ABCC4: variants seen among roughly 807,000 people sequenced by gnomAD.
The protein encoded by ABCC4 is ATP-binding cassette sub-family C member 4.
A neutral mutation model predicts 168.5 loss-of-function variants in ABCC4; 102 were observed. The observed-to-expected ratio is 0.61, with a 90% CI of 0.52 to 0.71. The LOEUF is 0.71. Among genes scored for constraint, ABCC4 ranks in the 30% least tolerant of loss-of-function variants. The pLI is 0.00. For synonymous variants in ABCC4, 617 were observed against 590.7 expected (o/e 1.04, Z -0.65); for missense variants, 1,402 against 1,605.8 (o/e 0.87, Z 2.17).
chr13:95,043,714 A>C lies in ABCC4; in HGVS notation c.3703T>G (p.Leu1235Val), dbSNP rs184544626. The C allele has an allele frequency of 6.2e-7, 1 of 1,613,942 alleles. No homozygotes were observed. The highest frequency in any genetic ancestry group is 2.2e-5 in the East Asian group (1 of 44,888). The change falls in exon 29 of 31, where the codon TTG (leucine) becomes GTG (valine). Residue 1235 changes from leucine to valine, a missense_variant. Transcript: ENST00000645237. ...TTGTCGCTGTCAATAATGGTGTTCA[A>C]TCTGTGTGCAATGGTTAGCACGGTG... The part of the protein sequence containing the change: ...HCTVLTIAHR[L>V]NTIIDSDKIM...
rs11568682 is a variant in ABCC4 at position 95,301,231 on chromosome 13, G to A, written c.74+10C>T. Reference sequence around the variant, plus strand: ...CTGCAGGGTGACCTGTTTCGGGCGGGGACACTCACCAGAAGAACACGCGTG... The same window carrying A: ...CTGCAGGGTGACCTGTTTCGGGCGGAGACACTCACCAGAAGAACACGCGTG... On this transcript the variant is annotated intron_variant, in intron 1 of 30. Transcript: ENST00000645237. 33,141 of 1,581,408 alleles carry A rather than the reference G, an allele frequency of 0.021. 447 individuals carry two copies. The highest frequency in any genetic ancestry group is 0.024 in the Non-Finnish European group (27,719 of 1,164,922).
At chr13:95,180,499 G>A (rs755931545) in intron 11 of ABCC4, among the ~76,000 whole-genome samples, 1 of 151,844 alleles carries the variant, frequency 6.6e-6, no homozygotes, top group Non-Finnish European at 1.5e-5. Context: ...GTTGCAGTGA[G>A]CGAGATCGCA....
intron 1 of ABCC4, among the ~76,000 whole-genome samples, chr13:95,293,035 C>T (rs1016827334): frequency 2.6e-5 from 4 of 152,098 alleles, no homozygotes; most frequent in African/African-American, 4.8e-5. Context: ...ATTCGCCACA[C>T]GTCTCAGGCA....
intron 27 of ABCC4, among the ~76,000 whole-genome samples, chr13:95,051,748 C>T (rs903204685): frequency 6.6e-6 from 1 of 152,058 alleles, no homozygotes; most frequent in African/African-American, 2.4e-5. Context: ...CTCACCACAA[C>T]CTCCGCCTCC....
chr13:95,234,883 A>AT (rs1399420719), intron 3 of ABCC4, 49 bp from the exon 4 acceptor site: 11 of 1,295,728 alleles, frequency 8.5e-6, no homozygotes, highest in Non-Finnish European at 1.2e-5. Flanking sequence ...AGACCACACC[A>AT]TTTTTTCTTT....
At chr13:95,260,970 C>T (rs1164021778) in intron 1 of ABCC4, among the ~76,000 whole-genome samples, 2 of 151,412 alleles carry the variant, frequency 1.3e-5, no homozygotes, top group South Asian at 2.1e-4. Flanking sequence ...TGTGACTCTA[C>T]CACAAAAATA....
chr13:95,125,566 T>A (rs899215642), intron 19 of ABCC4, among the ~76,000 whole-genome samples: 67 of 152,284 alleles, frequency 4.4e-4, no homozygotes, highest in African/African-American at 1.4e-3. Flanking sequence ...AATGAGGACA[T>A]GCAGCCTAAT....
chr13:95,212,484 G>A (rs1160202485), intron 4 of ABCC4, among the ~76,000 whole-genome samples: 1 of 152,172 alleles, frequency 6.6e-6, no homozygotes, highest in Non-Finnish European at 1.5e-5. Flanking sequence ...CTAAGCCTAA[G>A]CTGACCCTTT....
chr13:95,091,256 T>C (rs2034424756), intron 20 of ABCC4, among the ~76,000 whole-genome samples: 2 of 152,164 alleles, frequency 1.3e-5, no homozygotes, highest in African/African-American at 4.8e-5. Context: ...TCTTCAGCCT[T>C]GCTAGAGACC....
chr13:95,238,645 T>G (rs2039846779), intron 3 of ABCC4, among the ~76,000 whole-genome samples: 1 of 152,166 alleles, frequency 6.6e-6, no homozygotes, highest in South Asian at 2.1e-4. Context: ...AACCTCCACC[T>G]CCCAGATTCA....
chr13:95,215,842 C>CAAAG (rs2039094971), intron 4 of ABCC4, among the ~76,000 whole-genome samples: 1 of 152,156 alleles, frequency 6.6e-6, no homozygotes, highest in Non-Finnish European at 1.5e-5. Context: ...AAACTTTTGG[C>CAAAG]TTTAAGGACT....
chr13:95,158,671 G>A (rs894292446), intron 19 of ABCC4, among the ~76,000 whole-genome samples: 1 of 152,112 alleles, frequency 6.6e-6, no homozygotes. Flanking sequence ...AATTCAGGGG[G>A]CACAACATCA....
intron 19 of ABCC4, among the ~76,000 whole-genome samples, chr13:95,124,562 TAAAAAAAAA>T (rs55651091): frequency 0.53 from 64,467 of 122,582 alleles, 16,236 homozygotes; most frequent in South Asian, 0.74. Flanking sequence ...CCCCCTTTCT[TAAAAAAAAA>T]AAAAAAAAAA....
At chr13:95,243,842 C>T (rs956828040) in intron 3 of ABCC4, among the ~76,000 whole-genome samples, 9 of 151,332 alleles carry the variant, frequency 5.9e-5, no homozygotes, top group Non-Finnish European at 1.3e-4. Flanking sequence ...GCTGAGATCA[C>T]ACCACTGCAC....
chr13:95,204,436 G>A (rs1312140166), intron 8 of ABCC4, among the ~76,000 whole-genome samples: 1 of 131,514 alleles, frequency 7.6e-6, no homozygotes, highest in African/African-American at 4.3e-5. Flanking sequence ...ATCGGATCAT[G>A]GGGGCAGTTT....
intron 4 of ABCC4, among the ~76,000 whole-genome samples, chr13:95,213,965 C>T (rs1397754397): frequency 6.6e-6 from 1 of 151,342 alleles, no homozygotes; most frequent in East Asian, 1.9e-4. Flanking sequence ...AGAAATAGAC[C>T]CTGAAATGAT....
chr13:95,247,918 G>GCACACACACACACACACACACACACA (rs34133084), intron 1 of ABCC4, among the ~76,000 whole-genome samples, 165 bp from the exon 2 acceptor site: 8,870 of 142,396 alleles, frequency 0.062, 486 homozygotes, highest in African/African-American at 0.13. Flanking sequence ...GTTAACATGT[G>GCACACACACACACACACACACACACA]CACACACACA....
At chr13:95,153,671 TCTGTTA>T in intron 19 of ABCC4, among the ~76,000 whole-genome samples, 1 of 152,320 alleles carries the variant, frequency 6.6e-6, no homozygotes. Context: ...CAGTGCTTTC[TCTGTTA>T]CTAAGTTGTC....
At position 95,207,919 on chromosome 13, in the gene ABCC4, T is replaced by C; in HGVS notation, c.792A>G (p.Lys264=). 1 of 1,613,722 alleles carries C rather than the reference T, an allele frequency of 6.2e-7. No homozygotes were observed. Among genetic ancestry groups the C allele is most frequent in the Non-Finnish European group, 8.5e-7 (1 of 1,179,948 alleles). The stretch of plus-strand genomic sequence containing the variant: ...TCCTGGCATCCGTGAAAGTTGCAGT[T>C]TTACTCCTAAGGGGAACCAGACACG... The part of the protein sequence containing the change: ...FGKLFSSLRS[K]TATFTDARIR... Residue 264 remains lysine (K), a synonymous_variant, in exon 7 of 31, where the codon AAA becomes AAG. Transcript: ENST00000645237.
Sources: gnomAD v4.1 joint callset for allele counts (sites outside exome capture counted in the v4.1 genomes callset) on GRCh38, gnomAD v4.1.1 for gene constraint, MANE v1.5 for transcripts, NCBI Gene and HGNC (gene_info 2026-07-23, HGNC 2026-07-21) for gene names.